The following PKIG variants were observed in gnomAD, a reference collection of about 807,000 sequenced individuals.
PKIG encodes the protein protein kinase (cAMP-dependent, catalytic) inhibitor gamma.
A neutral mutation model predicts 6.8 loss-of-function variants in PKIG; 1 was observed. The ratio of observed to expected loss-of-function variants is 0.15; its 90% confidence interval spans 0.05 to 0.69. The LOEUF is 0.69. PKIG is among the 30% of genes least tolerant of loss of function. PKIG has a pLI of 0.82. For missense variants in PKIG, 77 were observed against 104.0 expected (o/e 0.74, Z 1.13); for synonymous variants, 39 against 43.0 (o/e 0.91, Z 0.36).
At chr20:44,583,085 GATTA>G (rs2064961737) in intron 1 of PKIG, among the ~76,000 whole-genome samples, 1 of 151,918 alleles carries the variant, frequency 6.6e-6, no homozygotes, top group Non-Finnish European at 1.5e-5. Context: ...CTTTTTTTCT[GATTA>G]CAAAGGTGGT....
At chr20:44,588,516 C>T (rs2065008863) in intron 1 of PKIG, among the ~76,000 whole-genome samples, 1 of 152,140 alleles carries the variant, frequency 6.6e-6, no homozygotes, top group South Asian at 2.1e-4. Context: ...CGGTGGCACG[C>T]ACCTGCAGTC....
chr20:44,600,938 G>T (rs1185719497), intron 2 of PKIG, among the ~76,000 whole-genome samples: 1 of 152,066 alleles, frequency 6.6e-6, no homozygotes, highest in Non-Finnish European at 1.5e-5. Context: ...GAGGGTTGCA[G>T]CTCTTTGAAG....
intron 1 of PKIG, among the ~76,000 whole-genome samples, chr20:44,547,748 G>C (rs1206381478): frequency 6.6e-6 from 1 of 152,174 alleles, no homozygotes; most frequent in Non-Finnish European, 1.5e-5. Context: ...CTTAAACATA[G>C]CATTGGCGGG....
chr20:44,538,700 A>G (rs1166369158), intron 1 of PKIG, among the ~76,000 whole-genome samples: 2 of 152,112 alleles, frequency 1.3e-5, no homozygotes, highest in Non-Finnish European at 2.9e-5. Flanking sequence ...TCATTATTAC[A>G]CCTAAGGAAA....
chr20:44,587,896 C>T (rs2065003429), intron 1 of PKIG, among the ~76,000 whole-genome samples: 1 of 152,230 alleles, frequency 6.6e-6, no homozygotes, highest in Non-Finnish European at 1.5e-5. Context: ...ATCATTTATA[C>T]TTTCCTGGAC....
chr20:44,577,878 G>C (rs116014845), upstream of PKIG, among the ~76,000 whole-genome samples: 2,763 of 152,256 alleles, frequency 0.018, 89 homozygotes, highest in African/African-American at 0.063. Flanking sequence ...GTGGATAGCT[G>C]TTGGATGTCA....
At chr20:44,553,141 C>T (rs1392822902) in intron 1 of PKIG, among the ~76,000 whole-genome samples, 1 of 152,142 alleles carries the variant, frequency 6.6e-6, no homozygotes, top group Non-Finnish European at 1.5e-5. Flanking sequence ...TCATAACAAC[C>T]TTGCAAGAGA....
At chr20:44,575,303 C>T (rs2064887361) in intron 1 of PKIG, among the ~76,000 whole-genome samples, 1 of 152,248 alleles carries the variant, frequency 6.6e-6, no homozygotes, top group Non-Finnish European at 1.5e-5. Flanking sequence ...ACTGCAACTT[C>T]TGCATCCTGG....
intron 1 of PKIG, among the ~76,000 whole-genome samples, chr20:44,574,795 CCTG>C (rs2064882343): frequency 6.6e-6 from 1 of 151,952 alleles, no homozygotes; most frequent in Non-Finnish European, 1.5e-5. Context: ...GTCTCGAACT[CCTG>C]ACCTCAGGTG....
At chr20:44,592,188 G>A (rs73615493) in intron 2 of PKIG, among the ~76,000 whole-genome samples, 1,753 of 152,268 alleles carry the variant, frequency 0.012, 16 homozygotes, top group East Asian at 0.064. Flanking sequence ...TGAGGAAACC[G>A]AGACTCAAAG....
intron 1 of PKIG, among the ~76,000 whole-genome samples, chr20:44,563,392 G>A (rs1275088167): frequency 1.3e-5 from 2 of 150,958 alleles, no homozygotes; most frequent in Admixed American, 6.6e-5. Flanking sequence ...TTTTTCCAGA[G>A]ATTCTGTGGG....
chr20:44,557,385 G>C lies in PKIG; in HGVS notation c.-240-25200G>C, dbSNP rs1328119452. ...CCACTAAAAAGACAAAAATTAGCTG[G>C]TGTGGTGGCGAGCGCCTGTAGTCCC... On this transcript the variant is annotated intron_variant, in intron 1 of 4. Coordinates refer to the PKIG transcript ENST00000372887. Among the ~76,000 whole-genome samples the C allele has an allele frequency of 3.3e-5, 5 of 151,932 alleles. No homozygotes were observed. The East Asian group carries it at 9.6e-4, about 29-fold the overall frequency.
intron 1 of PKIG, among the ~76,000 whole-genome samples, chr20:44,568,177 C>T (rs542980777): frequency 6.6e-6 from 1 of 152,116 alleles, no homozygotes; most frequent in Non-Finnish European, 1.5e-5. Flanking sequence ...ATAAATGTCT[C>T]TCTCATTTAT....
intron 3 of PKIG, among the ~76,000 whole-genome samples, chr20:44,615,977 T>G (rs756436443): frequency 1.8e-4 from 27 of 152,090 alleles, no homozygotes; most frequent in African/African-American, 6.3e-4. Context: ...CCATAATCTA[T>G]TCATTCTCCT....
At chr20:44,592,553 T>C (rs757308488) in intron 2 of PKIG, among the ~76,000 whole-genome samples, 1 of 152,172 alleles carries the variant, frequency 6.6e-6, no homozygotes, top group Admixed American at 6.5e-5. Context: ...GTGTGCCTGC[T>C]CATCTCCCAG....
chr20:44,580,697 T>C (rs1381767671), upstream of PKIG, among the ~76,000 whole-genome samples: 2 of 152,124 alleles, frequency 1.3e-5, no homozygotes, highest in Non-Finnish European at 2.9e-5. Flanking sequence ...CATTGTCACA[T>C]TGTTGAAAAG....
chr20:44,557,549 G>A (rs1406545043), intron 1 of PKIG, among the ~76,000 whole-genome samples: 3 of 148,958 alleles, frequency 2.0e-5, no homozygotes, highest in Non-Finnish European at 3.0e-5. Flanking sequence ...GGCCAGGTGC[G>A]GTGGCTTACG....
chr20:44,547,487 G>A (rs1346961800), intron 1 of PKIG, among the ~76,000 whole-genome samples: 2 of 152,160 alleles, frequency 1.3e-5, no homozygotes, highest in Non-Finnish European at 2.9e-5. Flanking sequence ...GGAGGCTGGT[G>A]GCCCAAATAC....
At chr20:44,595,704 G>A (rs2065069740) in intron 2 of PKIG, among the ~76,000 whole-genome samples, 1 of 152,016 alleles carries the variant, frequency 6.6e-6, no homozygotes, top group Non-Finnish European at 1.5e-5. Context: ...AGTAGAGATG[G>A]GGTTTTACCA....
Sources: allele counts gnomAD v4.1 joint callset (sites outside exome capture counted in the v4.1 genomes callset), GRCh38; gene constraint gnomAD v4.1.1; transcripts MANE v1.5; gene names NCBI Gene and HGNC (gene_info 2026-07-23, HGNC 2026-07-21).